KIAA0319L: variants seen among roughly 807,000 people sequenced by gnomAD.
KIAA0319L encodes dyslexia-associated protein KIAA0319-like protein.
Under a neutral mutation model 120.1 loss-of-function variants are expected in KIAA0319L, and 55 were observed. The ratio of observed to expected loss-of-function variants is 0.46; its 90% CI spans 0.37 to 0.57. The LOEUF is 0.57. Among genes scored for constraint, KIAA0319L ranks in the 20% least tolerant of loss-of-function variants. The pLI is 0.00. For missense variants in KIAA0319L, 1,049 were observed against 1,255.3 expected (o/e 0.84, Z 2.48); for synonymous variants, 398 against 471.9 (o/e 0.84, Z 2.03).
intron 2 of KIAA0319L, among the ~76,000 whole-genome samples, chr1:35,528,281 T>C (rs756250347): frequency 7.2e-5 from 11 of 152,132 alleles, no homozygotes; most frequent in Non-Finnish European, 1.5e-4. Flanking sequence ...AGGGTCTCAA[T>C]ATGTTGTCCA....
At chr1:35,548,969 G>C (rs1017150415) in intron 2 of KIAA0319L, among the ~76,000 whole-genome samples, 20 of 151,990 alleles carry the variant, frequency 1.3e-4, no homozygotes, top group African/African-American at 4.8e-4. Context: ...TGCTTCTCTA[G>C]AAAGAACTCC....
At chr1:35,557,599 C>T, upstream of KIAA0319L, 2 of 442,728 alleles carry the variant, frequency 4.5e-6, no homozygotes, top group Non-Finnish European at 9.1e-6. Context: ...TCTCCAGAGG[C>T]AGTCTGCACC....
rs1642189132 is a variant in KIAA0319L, at chr1:35,453,197, G to A, written c.1913+360C>T. ...ATAGCTGCTCTGCCCCATCCCCCGT[G>A]CCAGCCTTACCCAGTTAATTCTGAG... is the stretch of plus-strand genomic sequence containing the variant. On this transcript the variant is annotated intron_variant, in intron 12 of 20. Coordinates refer to ENST00000325722, the MANE Select transcript of KIAA0319L (RefSeq NM_024874.5). The surrounding 1 kb of genome is among the most constrained non-coding windows in gnomAD (Gnocchi z 4.1). Among the ~76,000 whole-genome samples, 1 of 152,070 alleles carries A rather than the reference G, an allele frequency of 6.6e-6. No individual in the cohort carries two copies. The highest frequency in any genetic ancestry group is 2.4e-5 in the African/African-American group (1 of 41,406).
chr1:35,433,755 G>A lies in KIAA0319L; in HGVS notation c.*1139C>T. The A allele has an allele frequency of 6.6e-6, 1 of 152,564 alleles. No individual in the cohort carries two copies. Among genetic ancestry groups the A allele is most frequent in the East Asian group, 1.9e-4 (1 of 5,200 alleles). 9.5% of individuals were successfully genotyped at this position (152,564 alleles called of 1,614,324 possible). ...CGCGCTCACTCTAACACGCACACAT[G>A]CAAGGGACACAGAACACATACAGAT... On this transcript the variant is annotated 3_prime_UTR_variant, in exon 21 of 21. Transcript: ENST00000325722.
intron 2 of KIAA0319L, among the ~76,000 whole-genome samples, chr1:35,526,239 G>C (rs1168426675): frequency 6.7e-6 from 1 of 148,184 alleles, no homozygotes; most frequent in African/African-American, 2.5e-5. Flanking sequence ...CTGTTGTTTT[G>C]GTTACTAGAA....
At chr1:35,528,855 C>T (rs901554819) in intron 2 of KIAA0319L, among the ~76,000 whole-genome samples, 1 of 152,182 alleles carries the variant, frequency 6.6e-6, no homozygotes, top group Non-Finnish European at 1.5e-5. Context: ...TATATAATGA[C>T]CTTCTTTGTC....
In KIAA0319L at chr1:35,505,303, C is replaced by T. The variant is rs142395172; in HGVS notation, c.666+1309G>A. ...CAAGTAAATACACAATGACTATGAC[C>T]GAGCCTTTACATACACTGTGGCTCT... On this transcript the variant is annotated intron_variant, in intron 3 of 20. Coordinates refer to ENST00000325722, the MANE Select transcript of KIAA0319L (RefSeq NM_024874.5). Among the ~76,000 whole-genome samples the T allele has an allele frequency of 1.3e-3, 193 of 152,182 alleles. 1 individual carries two copies. The highest frequency in any genetic ancestry group is 4.6e-3 in the African/African-American group (189 of 41,500).
chr1:35,482,290 T>G (rs2149149365), intron 3 of KIAA0319L, among the ~76,000 whole-genome samples: 1 of 152,340 alleles, frequency 6.6e-6, no homozygotes, highest in East Asian at 1.9e-4. Flanking sequence ...AATAATTCAT[T>G]TCTTAGCATT....
Position 35,444,203 on chromosome 1 carries a change from C to A in KIAA0319L, c.2614G>T (p.Ala872Ser). Residue 872 changes from alanine to serine, a missense_variant, in exon 17 of 21, where the codon GCA (alanine) becomes TCA (serine). By Grantham distance (99) the Ala-to-Ser change is moderately conservative. Coordinates refer to ENST00000325722, the MANE Select transcript of KIAA0319L (RefSeq NM_024874.5). ...AAGGCTCTGAATATCAAAAAGTCTG[C>A]CTTTTGCTTCCGCAGCTCACTCTTG... is the stretch of plus-strand genomic sequence containing the variant. Reference protein sequence around the residue: ...MLKSELRKQKADFLIFRALEV... With the variant: ...MLKSELRKQKSDFLIFRALEV... 6.2e-7 allele frequency: 1 copy of A among 1,609,064 alleles called. No homozygotes were observed. The highest frequency in any genetic ancestry group is 8.5e-7 in the Non-Finnish European group (1 of 1,177,972).
At chr1:35,548,687 A>G (rs1647079794) in intron 2 of KIAA0319L, among the ~76,000 whole-genome samples, 1 of 152,064 alleles carries the variant, frequency 6.6e-6, no homozygotes, top group South Asian at 2.1e-4. Flanking sequence ...AAATTTATAG[A>G]CCATCTACCT....
At chr1:35,530,406 A>G (rs956335926) in intron 2 of KIAA0319L, among the ~76,000 whole-genome samples, 4 of 151,918 alleles carry the variant, frequency 2.6e-5, no homozygotes, top group African/African-American at 9.7e-5. Context: ...TTCATTCACT[A>G]AGTTCTTCAG....
chr1:35,450,088 A>G, intron 14 of KIAA0319L, 83 bp from the exon 15 acceptor site: 1 of 1,516,770 alleles, frequency 6.6e-7, no homozygotes. Flanking sequence ...CACCATAACT[A>G]GGCCCTTCAG....
At chr1:35,533,606 T>A (rs1646457977) in intron 2 of KIAA0319L, among the ~76,000 whole-genome samples, 2 of 152,214 alleles carry the variant, frequency 1.3e-5, no homozygotes, top group Admixed American at 6.5e-5. Flanking sequence ...AAATGAACTA[T>A]TATCAAGGAG....
chr1:35,502,060 C>T (rs962302684), intron 3 of KIAA0319L, among the ~76,000 whole-genome samples: 4 of 151,680 alleles, frequency 2.6e-5, no homozygotes, highest in African/African-American at 9.7e-5. Context: ...AGGCGGATCA[C>T]GAGGTCAGGA....
At chr1:35,477,405 C>A (rs141150986) in intron 4 of KIAA0319L, among the ~76,000 whole-genome samples, 3 of 152,152 alleles carry the variant, frequency 2.0e-5, no homozygotes, top group East Asian at 1.9e-4. Context: ...CGGTGGCTCA[C>A]GCCTGTAATC....
chr1:35,525,850 T>C (rs188219704), intron 2 of KIAA0319L, among the ~76,000 whole-genome samples: 1 of 152,168 alleles, frequency 6.6e-6, no homozygotes, highest in Non-Finnish European at 1.5e-5. Context: ...ATAATCCCAT[T>C]TGTCTATTTT....
intron 19 of KIAA0319L, among the ~76,000 whole-genome samples, chr1:35,441,651 G>A (rs1641229531): frequency 6.6e-6 from 1 of 152,050 alleles, no homozygotes; most frequent in Admixed American, 6.6e-5. Flanking sequence ...AAGGTTATGT[G>A]TCTTAAAAAT....
chr1:35,452,979 T>A (rs1642175903), intron 12 of KIAA0319L, among the ~76,000 whole-genome samples: 1 of 152,232 alleles, frequency 6.6e-6, no homozygotes, highest in African/African-American at 2.4e-5. Flanking sequence ...TTCAGTTGCA[T>A]TAGTTATGCT....
Position 35,479,053 on chromosome 1 carries a change from C to G in KIAA0319L, c.826G>C (p.Ala276Pro), listed in dbSNP as rs1484315810. ...GAGGGAGCCACTGGCTGGGGGACAG[C>G]AATCTGGGTTTTCTCAGAACTTTTT... is the stretch of plus-strand genomic sequence containing the variant. ...QVKSSEKTQI[A>P]VPQPVAPSYS... The change falls in exon 4 of 21, where the codon GCT (alanine) becomes CCT (proline). Residue 276 changes from alanine (A) to proline (P), a missense_variant. By Grantham distance (27) the Ala-to-Pro change is conservative. Coordinates refer to ENST00000325722, the MANE Select transcript of KIAA0319L (RefSeq NM_024874.5). 6.2e-7 allele frequency: 1 copy of G among 1,614,144 alleles called. No individual in the cohort carries two copies. Among genetic ancestry groups the G allele is most frequent in the Non-Finnish European group, 8.5e-7 (1 of 1,180,016 alleles).
Sources: allele counts gnomAD v4.1 joint callset (sites outside exome capture counted in the v4.1 genomes callset), GRCh38; gene constraint gnomAD v4.1.1; non-coding constraint Gnocchi (gnomAD v3.1); transcripts MANE v1.5; gene names NCBI Gene and HGNC (gene_info 2026-07-23, HGNC 2026-07-21).